Variants in ROBO1 observed in about 807,000 individuals in gnomAD.
The protein encoded by ROBO1 is roundabout guidance receptor 1, also known as roundabout homolog 1.
A neutral mutation model predicts 195.9 loss-of-function variants in ROBO1; 149 were observed. The observed-to-expected ratio is 0.76, with a 90% CI of 0.67 to 0.87. ROBO1 has a LOEUF of 0.87. Among genes scored for constraint, ROBO1 ranks in the 40% least tolerant of loss-of-function variants. The pLI is 0.00. For missense variants in ROBO1, 1,933 were observed against 2,068.3 expected (o/e 0.93, Z 1.27); for synonymous variants, 816 against 733.2 (o/e 1.11, Z -1.82).
intron 1 of ROBO1, among the ~76,000 whole-genome samples, chr3:79,762,609 A>AACACACACACACAC (rs60977072): frequency 0.021 from 3,045 of 146,544 alleles, 45 homozygotes; most frequent in African/African-American, 0.035. Context: ...ATTCTGGACA[A>AACACACACACACAC]ACACACACAC....
intron 3 of ROBO1, among the ~76,000 whole-genome samples, chr3:79,000,958 C>T (rs2077487365): frequency 6.6e-6 from 1 of 152,096 alleles, no homozygotes; most frequent in African/African-American, 2.4e-5. Context: ...AGAACAAGTA[C>T]ATGTCCTTTG....
At chr3:79,301,149 C>T (rs1324212178) in intron 2 of ROBO1, among the ~76,000 whole-genome samples, 1 of 152,144 alleles carries the variant, frequency 6.6e-6, no homozygotes, top group Non-Finnish European at 1.5e-5. Flanking sequence ...CTTTTATGAG[C>T]TTTAACACTC....
At position 78,736,795 on chromosome 3, in the gene ROBO1, GCTTT is replaced by G. The variant is rs1419327160; in HGVS notation, c.657+9944_657+9947del. ...TTCACAGGTAGGTGTAAAATGCTTG[GCTTT>G]CTTTTTTCTAGTTTCAGGGTCCAAA... is the stretch of plus-strand genomic sequence containing the variant. On this transcript the variant is annotated intron_variant, in intron 5 of 30. Coordinates refer to ENST00000464233, the MANE Select transcript of ROBO1 (RefSeq NM_002941.4). Among the ~76,000 whole-genome samples, 6 of 152,186 alleles carry G rather than the reference GCTTT, an allele frequency of 3.9e-5. No homozygotes were observed. The East Asian group carries it at 1.2e-3, about 29-fold the overall frequency.
intron 2 of ROBO1, among the ~76,000 whole-genome samples, chr3:79,374,799 C>A (rs972454664): frequency 7.9e-5 from 12 of 151,630 alleles, no homozygotes; most frequent in African/African-American, 2.9e-4. Flanking sequence ...AGAAGTTATT[C>A]TTGCTTGACT....
chr3:79,203,822 ACAT>A (rs1157629075), intron 2 of ROBO1, among the ~76,000 whole-genome samples: 3 of 152,152 alleles, frequency 2.0e-5, no homozygotes, highest in Non-Finnish European at 4.4e-5. Flanking sequence ...TATCATAGTA[ACAT>A]CATCGGTGGT....
At chr3:79,506,827 TTACATATTA>T (rs1559950505) in intron 2 of ROBO1, among the ~76,000 whole-genome samples, 1 of 152,214 alleles carries the variant, frequency 6.6e-6, no homozygotes, top group Non-Finnish European at 1.5e-5. Context: ...TATGTGCAAC[TTACATATTA>T]GGTATGTGAA....
At chr3:79,052,607 C>T (rs1182750024) in intron 3 of ROBO1, among the ~76,000 whole-genome samples, 1 of 152,092 alleles carries the variant, frequency 6.6e-6, no homozygotes, top group Non-Finnish European at 1.5e-5. Flanking sequence ...AACCTGCCGA[C>T]ATGTGATGTC....
At position 79,144,274 on chromosome 3, in the gene ROBO1, G is replaced by A. The variant is rs985020798; in HGVS notation, c.89-18735C>T. Among the ~76,000 whole-genome samples, 6 of 152,018 alleles carry A rather than the reference G, an allele frequency of 3.9e-5. No homozygotes were observed. In the East Asian group the frequency reaches 7.7e-4, roughly 20 times the overall value. On this transcript the variant is annotated intron_variant, in intron 2 of 30. Coordinates refer to ENST00000464233, the MANE Select transcript of ROBO1 (RefSeq NM_002941.4). ...AGAACTGCCAAAATTGTTTTCCAGA[G>A]TGTCTCACAATCAGCCAATCAGATT...
chr3:79,551,891 A>G (rs751441849), intron 2 of ROBO1, among the ~76,000 whole-genome samples: 13 of 149,576 alleles, frequency 8.7e-5, no homozygotes, highest in South Asian at 6.5e-4. Flanking sequence ...CAGGAATTAA[A>G]GTATTTTCCT....
Position 79,315,662 on chromosome 3 carries a change from C to A in ROBO1, c.89-190123G>T, listed in dbSNP as rs577744646. On this transcript the variant is annotated intron_variant, in intron 2 of 30. Transcript: ENST00000464233. ...GAGAAAGTACAGGGAGAGCAGTTAACGGAAACATTTTTTGATATATTAAAT... is the reference window on the plus strand; with the variant it reads ...GAGAAAGTACAGGGAGAGCAGTTAAAGGAAACATTTTTTGATATATTAAAT... Among the ~76,000 whole-genome samples, 5 of 152,204 alleles carry A rather than the reference C, an allele frequency of 3.3e-5. No homozygotes were observed. In the South Asian group the frequency reaches 1.0e-3, roughly 32 times the overall value.
chr3:79,214,639 G>A (rs1214786864), intron 2 of ROBO1, among the ~76,000 whole-genome samples: 1 of 151,504 alleles, frequency 6.6e-6, no homozygotes, highest in Non-Finnish European at 1.5e-5. Flanking sequence ...CTTAGGAGGT[G>A]GTTCATATAT....
chr3:78,909,140 T>TAAACA (rs2038095908), intron 4 of ROBO1, among the ~76,000 whole-genome samples: 1 of 151,834 alleles, frequency 6.6e-6, no homozygotes, highest in Admixed American at 6.6e-5. Flanking sequence ...GGAAATAATG[T>TAAACA]TTAGCATGAG....
chr3:78,704,721 C>A (rs2107967858), intron 8 of ROBO1, among the ~76,000 whole-genome samples: 1 of 149,066 alleles, frequency 6.7e-6, no homozygotes, highest in East Asian at 2.0e-4. Flanking sequence ...TGGCATGCTT[C>A]TGTAGAGCTA....
chr3:79,424,707 G>A (rs2038374374), intron 2 of ROBO1, among the ~76,000 whole-genome samples: 1 of 152,070 alleles, frequency 6.6e-6, no homozygotes, highest in Non-Finnish European at 1.5e-5. Context: ...GTAATATTAA[G>A]AAGCAATGTA....
chr3:78,709,867 C>G (rs1575988075), intron 8 of ROBO1, among the ~76,000 whole-genome samples: 1 of 152,280 alleles, frequency 6.6e-6, no homozygotes, highest in African/African-American at 2.4e-5. Flanking sequence ...TGACAAAAAA[C>G]CTTGGGCTGA....
chr3:79,731,732 C>T (rs1176479817), intron 1 of ROBO1, among the ~76,000 whole-genome samples: 3 of 152,170 alleles, frequency 2.0e-5, no homozygotes, highest in Non-Finnish European at 4.4e-5. Context: ...AAGCCCCTAG[C>T]ATACCCAAAT....
At chr3:79,621,338 C>G (rs542566251) in intron 1 of ROBO1, among the ~76,000 whole-genome samples, 1 of 152,168 alleles carries the variant, frequency 6.6e-6, no homozygotes, top group African/African-American at 2.4e-5. Flanking sequence ...TCTCCCTTTG[C>G]TGACTCCTTT....
chr3:79,472,464 A>G (rs9854981), intron 2 of ROBO1, among the ~76,000 whole-genome samples: 1 of 152,054 alleles, frequency 6.6e-6, no homozygotes, highest in African/African-American at 2.4e-5. Context: ...ATTTTACCAT[A>G]CTAGGATATA....
At chr3:79,353,065 T>A (rs1428175451) in intron 2 of ROBO1, among the ~76,000 whole-genome samples, 4 of 152,312 alleles carry the variant, frequency 2.6e-5, no homozygotes, top group East Asian at 3.9e-4. Context: ...GACAACTTAT[T>A]ACTGACAAAC....
Sources: allele counts gnomAD v4.1 joint callset (sites outside exome capture counted in the v4.1 genomes callset), GRCh38; gene constraint gnomAD v4.1.1; transcripts MANE v1.5; gene names NCBI Gene and HGNC (gene_info 2026-07-23, HGNC 2026-07-21).